Variants in SCARA3 observed in about 807,000 individuals in gnomAD.
SCARA3 encodes cellular stress response gene protein.
SCARA3 carries 39 observed loss-of-function variants against 47.0 expected under a neutral mutation model. That is an observed-to-expected ratio of 0.83 (90% CI 0.64 to 1.08). The LOEUF is 1.08. Among genes scored for constraint, SCARA3 ranks in the 50% least tolerant of loss-of-function variants. SCARA3 has a pLI of 0.00. For missense variants in SCARA3, 724 were observed against 792.3 expected (o/e 0.91, Z 1.04); for synonymous variants, 356 against 334.1 (o/e 1.07, Z -0.71).
chr8:27,657,106 C>G (rs1801759951), intron 4 of SCARA3, among the ~76,000 whole-genome samples: 1 of 152,174 alleles, frequency 6.6e-6, no homozygotes, highest in African/African-American at 2.4e-5. Context: ...GGGTGGACCA[C>G]AGATCTAGCC....
intron 5 of SCARA3, 42 bp from the exon 6 acceptor site, chr8:27,670,858 C>A: frequency 6.7e-7 from 1 of 1,482,992 alleles, no homozygotes; most frequent in Non-Finnish European, 9.0e-7. Context: ...GGGTGGGGAG[C>A]CCCTGACAGA....
At chr8:27,688,278 G>T in the SCARA3 span, among the ~76,000 whole-genome samples, 1 of 152,100 alleles carries the variant, frequency 6.6e-6, no homozygotes, top group Non-Finnish European at 1.5e-5. Flanking sequence ...CTTCAGGAGG[G>T]AATGATTTGT....
At chr8:27,643,397 G>A (rs984469576) in intron 1 of SCARA3, among the ~76,000 whole-genome samples, 1 of 152,130 alleles carries the variant, frequency 6.6e-6, no homozygotes, top group Non-Finnish European at 1.5e-5. Flanking sequence ...AAAAAGGGGC[G>A]AGTGCTGGAG....
intron 1 of SCARA3, among the ~76,000 whole-genome samples, chr8:27,645,183 C>T (rs1801466903): frequency 6.6e-6 from 1 of 152,250 alleles, no homozygotes; most frequent in Non-Finnish European, 1.5e-5. Flanking sequence ...ACTCCCTAGC[C>T]ATGGAGAATC....
chr8:27,649,599 T>C, intron 1 of SCARA3, 103 bp from the exon 2 acceptor site: 1 of 1,086,928 alleles, frequency 9.2e-7, no homozygotes, highest in Non-Finnish European at 1.4e-6. Flanking sequence ...GTGAGCTGGC[T>C]CAGGGGTAGA....
chr8:27,694,959 G>A, the SCARA3 span, among the ~76,000 whole-genome samples: 7 of 152,190 alleles, frequency 4.6e-5, no homozygotes, highest in Non-Finnish European at 7.3e-5. Context: ...TTTGGGTCAC[G>A]CATGGGGTCT....
the SCARA3 span, among the ~76,000 whole-genome samples, chr8:27,721,522 T>G: frequency 6.6e-6 from 1 of 152,200 alleles, no homozygotes; most frequent in Non-Finnish European, 1.5e-5. Context: ...ATTGGTTTAT[T>G]GTCCATGAAC....
chr8:27,670,895 C>G lies in SCARA3; in HGVS notation c.1370-5C>G. ...TGACCTCTCCCATCTTCTCTCCAAC[C>G]TCAGGTGCCCCCGGCCCTCCAGGAC... On this transcript the variant is annotated splice_polypyrimidine_tract_variant and splice_region_variant and intron_variant, in intron 5 of 5. Transcript: ENST00000301904. 6 of 1,518,438 alleles carry G rather than the reference C, an allele frequency of 4.0e-6. No individual in the cohort carries two copies. The highest frequency in any genetic ancestry group is 5.3e-6 in the Non-Finnish European group (6 of 1,135,678). The allele number at this position is 1,518,438 out of a possible 1,614,324, so 94.1% of individuals were successfully genotyped here.
At position 27,671,081 on chromosome 8, in the gene SCARA3, G is replaced by C. The variant is rs977291571; in HGVS notation, c.1551G>C (p.Gly517=). Residue 517 remains glycine, a synonymous_variant, in exon 6 of 6, where the codon GGG becomes GGC. Transcript: ENST00000301904. ...VGERGPVGPR[G]FPGLKGSKGS... is the part of the protein sequence containing the mutation. ...AAAGGGGCCCTGTTGGCCCTCGAGG[G>C]TTCCCAGGCCTCAAAGGCTCAAAGG... 6.2e-7 allele frequency: 1 copy of C among 1,610,180 alleles called. No individual in the cohort carries two copies. Among genetic ancestry groups the C allele is most frequent in the African/African-American group, 1.3e-5 (1 of 74,872 alleles).
In SCARA3 at chr8:27,634,197, G is replaced by C; in HGVS notation, c.-4G>C. ...GCCCTCCTGAGGCCCCAGAGGAAGA[G>C]ACCATGAAAGGTAAGGGCGGCCTGT... On this transcript the variant is annotated 5_prime_UTR_variant, in exon 1 of 6. Coordinates refer to ENST00000301904, the MANE Select transcript of SCARA3 (RefSeq NM_016240.3). 7.1e-7 allele frequency: 1 copy of C among 1,411,022 alleles called. No individual in the cohort carries two copies. Among genetic ancestry groups the C allele is most frequent in the Non-Finnish European group, 9.2e-7 (1 of 1,086,568 alleles). 87.4% of individuals were successfully genotyped at this position (1,411,022 alleles called of 1,614,324 possible).
the SCARA3 span, among the ~76,000 whole-genome samples, chr8:27,711,901 T>C: frequency 6.6e-6 from 1 of 152,158 alleles, no homozygotes; most frequent in African/African-American, 2.4e-5. Context: ...GATAAACCAA[T>C]ACTGACACAC....
chr8:27,715,853 GATA>G, the SCARA3 span, among the ~76,000 whole-genome samples: 2 of 142,090 alleles, frequency 1.4e-5, no homozygotes, highest in South Asian at 2.4e-4. This position sits in a 1 kb window ranked among gnomAD's most constrained non-coding sequence, Gnocchi z 4.2. Context: ...TAGATAGATA[GATA>G]GATAGATACA....
chr8:27,646,849 G>A (rs1278650049), intron 1 of SCARA3, among the ~76,000 whole-genome samples: 4 of 152,000 alleles, frequency 2.6e-5, no homozygotes, highest in Non-Finnish European at 5.9e-5. Flanking sequence ...ATTGACGATG[G>A]GACAGCTGCC....
At chr8:27,669,519 T>C (rs1475231597) in intron 5 of SCARA3, among the ~76,000 whole-genome samples, 2 of 152,208 alleles carry the variant, frequency 1.3e-5, no homozygotes, top group East Asian at 1.9e-4. Context: ...GCCAAGGGCA[T>C]CTCCTGCCTC....
intron 2 of SCARA3, among the ~76,000 whole-genome samples, chr8:27,650,693 G>A (rs1801612454): frequency 1.3e-5 from 2 of 152,160 alleles, no homozygotes; most frequent in Admixed American, 1.3e-4. Flanking sequence ...CCCACTGGGT[G>A]TTGGCCACCT....
chr8:27,730,148 G>C, the SCARA3 span, among the ~76,000 whole-genome samples: 1 of 152,166 alleles, frequency 6.6e-6, no homozygotes, highest in East Asian at 1.9e-4. Context: ...TTTCTTCTTT[G>C]GGTCATTCTA....
intron 5 of SCARA3, among the ~76,000 whole-genome samples, chr8:27,664,968 ACAGT>A (rs1801985610): frequency 6.6e-6 from 1 of 152,220 alleles, no homozygotes; most frequent in Admixed American, 6.5e-5. Flanking sequence ...TTTCAGGGAC[ACAGT>A]GCACATCCCT....
the SCARA3 span, among the ~76,000 whole-genome samples, chr8:27,696,557 C>T: frequency 6.6e-6 from 1 of 151,916 alleles, no homozygotes; most frequent in Non-Finnish European, 1.5e-5. Context: ...TCAGGCAATC[C>T]TCTTGCCTCT....
the SCARA3 span, among the ~76,000 whole-genome samples, chr8:27,708,488 A>AATC: frequency 6.6e-6 from 1 of 152,210 alleles, no homozygotes; most frequent in Non-Finnish European, 1.5e-5. Flanking sequence ...AGAGCTACAC[A>AATC]ATCTCGTAAC....
Sources: allele counts gnomAD v4.1 joint callset (sites outside exome capture counted in the v4.1 genomes callset), GRCh38; gene constraint gnomAD v4.1.1; non-coding constraint Gnocchi (gnomAD v3.1); transcripts MANE v1.5; gene names NCBI Gene and HGNC (gene_info 2026-07-23, HGNC 2026-07-21).